The following PTPRN2 variants were observed in gnomAD, a reference collection of about 807,000 sequenced individuals.
PTPRN2 encodes the protein protein tyrosine phosphatase receptor type N2.
Under a neutral mutation model 118.8 loss-of-function variants are expected in PTPRN2, and 74 were observed. The observed-to-expected ratio is 0.62, with a 90% CI of 0.52 to 0.76. The LOEUF (loss-of-function observed/expected upper bound fraction) is 0.76, where lower values mean the gene tolerates loss of function less well. Ranked by LOEUF, PTPRN2 falls within the 30% of genes least tolerant of loss-of-function variation. PTPRN2 has a pLI of 0.00. For synonymous variants in PTPRN2, 641 were observed against 608.0 expected (o/e 1.05, Z -0.80); for missense variants, 1,481 against 1,394.4 (o/e 1.06, Z -0.99).
At chr7:158,005,320 C>T (rs1221247541) in intron 11 of PTPRN2, among the ~76,000 whole-genome samples, 1 of 152,014 alleles carries the variant, frequency 6.6e-6, no homozygotes, top group Non-Finnish European at 1.5e-5. Context: ...GTGATCCGCT[C>T]AACTCAGCCT....
chr7:158,552,145 G>C (rs1275066647), intron 1 of PTPRN2, among the ~76,000 whole-genome samples: 1 of 137,870 alleles, frequency 7.3e-6, no homozygotes, highest in East Asian at 2.2e-4. Context: ...CATTGCATCA[G>C]GGTGGGGCTC....
Position 158,042,464 on chromosome 7 carries a change from C to G in PTPRN2, c.1723+38834G>C, listed in dbSNP as rs186553711. Among the ~76,000 whole-genome samples, 633 of 152,346 alleles carry G rather than the reference C, an allele frequency of 4.2e-3. 7 individuals carry two copies. Among genetic ancestry groups the G allele is most frequent in the African/African-American group, 0.015 (611 of 41,580 alleles). ...CAGCACAGGGTAATGCACTCTCTACCACACGCATGAATCATTTATTCAGAA... is the reference window on the plus strand; with the variant it reads ...CAGCACAGGGTAATGCACTCTCTACGACACGCATGAATCATTTATTCAGAA... On this transcript the variant is annotated intron_variant, in intron 11 of 22. Coordinates refer to ENST00000389418, the MANE Select transcript of PTPRN2 (RefSeq NM_002847.5).
At chr7:158,135,372 T>C (rs1274795783) in intron 8 of PTPRN2, among the ~76,000 whole-genome samples, 2 of 152,208 alleles carry the variant, frequency 1.3e-5, no homozygotes, top group African/African-American at 4.8e-5. Flanking sequence ...GATGTAGCCG[T>C]TGACGTTACT....
At position 158,358,815 on chromosome 7, in the gene PTPRN2, G is replaced by T. The variant is rs566974411; in HGVS notation, c.164-41883C>A. Reference sequence around the variant, plus strand: ...GGGGAGGGGGAGTCAGCATTAATGCGCACAGAGGTTCTGTTTGGAATAGAA... The same window carrying T: ...GGGGAGGGGGAGTCAGCATTAATGCTCACAGAGGTTCTGTTTGGAATAGAA... On this transcript the variant is annotated intron_variant, in intron 2 of 22. Transcript: ENST00000389418. Among the ~76,000 whole-genome samples the T allele has an allele frequency of 7.9e-5, 12 of 152,354 alleles. No individual in the cohort carries two copies. The South Asian group carries it at 2.3e-3, about 29-fold the overall frequency.
intron 6 of PTPRN2, among the ~76,000 whole-genome samples, chr7:158,146,277 A>G (rs919864645): frequency 5.9e-5 from 9 of 152,068 alleles, no homozygotes; most frequent in Admixed American, 1.3e-4. Flanking sequence ...ATATTAACCA[A>G]AATGTTAACC....
chr7:158,123,480 G>A (rs952717195), intron 9 of PTPRN2, among the ~76,000 whole-genome samples: 1 of 152,130 alleles, frequency 6.6e-6, no homozygotes, highest in Admixed American at 6.5e-5. Context: ...GGAGTCTAAT[G>A]TCAGGGTCTG....
intron 12 of PTPRN2, chr7:157,740,491 G>A (rs1800570950): frequency 6.6e-6 from 1 of 151,356 alleles, no homozygotes; most frequent in African/African-American, 2.5e-5. Flanking sequence ...ACGGCAACGC[G>A]GGAGCCTGAC....
chr7:158,400,759 T>G (rs947185589), intron 2 of PTPRN2, among the ~76,000 whole-genome samples: 3 of 152,050 alleles, frequency 2.0e-5, no homozygotes, highest in Non-Finnish European at 4.4e-5. Context: ...CCTCAGAGCC[T>G]CTCTGGAGTG....
At chr7:157,720,591 G>A (rs766729788) in intron 12 of PTPRN2, among the ~76,000 whole-genome samples, 3 of 152,332 alleles carry the variant, frequency 2.0e-5, no homozygotes, top group Admixed American at 6.5e-5. Context: ...GTGTGCACGC[G>A]GGGACCGAGG....
chr7:157,819,842 AC>A (rs112535257), intron 12 of PTPRN2, among the ~76,000 whole-genome samples: 7,164 of 147,830 alleles, frequency 0.048, 562 homozygotes, highest in African/African-American at 0.17. Flanking sequence ...ACACTGCATG[AC>A]CCCCCCCACA....
intron 12 of PTPRN2, among the ~76,000 whole-genome samples, chr7:157,790,892 A>T (rs1804445119): frequency 6.6e-6 from 1 of 152,214 alleles, no homozygotes; most frequent in Admixed American, 6.5e-5. Context: ...CATGAAAGAC[A>T]TTCCGTTCTG....
chr7:157,901,895 CCG>C (rs547077125), intron 11 of PTPRN2, among the ~76,000 whole-genome samples: 7,972 of 144,430 alleles, frequency 0.055, 1,546 homozygotes, highest in African/African-American at 0.19. Flanking sequence ...GCCTTCCCGT[CCG>C]TGTTTCCTGG....
chr7:157,584,192 C>T (rs1196813432), intron 17 of PTPRN2, among the ~76,000 whole-genome samples: 1 of 152,208 alleles, frequency 6.6e-6, no homozygotes, highest in Non-Finnish European at 1.5e-5. Context: ...CTCTACAAAA[C>T]ATCCCTGGGC....
chr7:158,474,246 G>A (rs560585627), intron 2 of PTPRN2, among the ~76,000 whole-genome samples: 6 of 152,304 alleles, frequency 3.9e-5, no homozygotes, highest in African/African-American at 1.4e-4. Context: ...ATCAAAAAGC[G>A]GAGTAAACCG....
chr7:158,197,599 C>A (rs766365987), intron 4 of PTPRN2, among the ~76,000 whole-genome samples: 10 of 152,122 alleles, frequency 6.6e-5, no homozygotes, highest in Non-Finnish European at 1.5e-4. Context: ...AAAGATATAC[C>A]TGAGACTGGG....
At chr7:158,348,207 G>A (rs1158491587) in intron 2 of PTPRN2, among the ~76,000 whole-genome samples, 1 of 152,074 alleles carries the variant, frequency 6.6e-6, no homozygotes, top group African/African-American at 2.4e-5. Context: ...GAGAGAAACT[G>A]GAGACAAAAG....
intron 9 of PTPRN2, among the ~76,000 whole-genome samples, chr7:158,116,149 CATGA>C (rs543697839): frequency 2.4e-3 from 368 of 152,322 alleles, no homozygotes; most frequent in Middle Eastern, 0.024. Flanking sequence ...GCATTAACTG[CATGA>C]ATGAATGAAC....
At chr7:158,367,272 CT>C (rs1484023075) in intron 2 of PTPRN2, among the ~76,000 whole-genome samples, 2 of 152,242 alleles carry the variant, frequency 1.3e-5, no homozygotes, top group African/African-American at 2.4e-5. Flanking sequence ...GGCCAGGCCT[CT>C]GGTCCACACA....
chr7:158,277,323 G>A (rs1052441455), intron 3 of PTPRN2, among the ~76,000 whole-genome samples: 9 of 152,164 alleles, frequency 5.9e-5, no homozygotes, highest in East Asian at 1.9e-4. Context: ...CAGCCACAAC[G>A]GGCAGTCAGG....
Sources: gnomAD v4.1 joint callset for allele counts (sites outside exome capture counted in the v4.1 genomes callset) on GRCh38, gnomAD v4.1.1 for gene constraint, MANE v1.5 for transcripts, NCBI Gene and HGNC (gene_info 2026-07-23, HGNC 2026-07-21) for gene names.